Variants in LONP2 observed in about 807,000 individuals in gnomAD.
LONP2 encodes the protein lon protease homolog 2, peroxisomal.
In LONP2, 60 loss-of-function variants were observed where a neutral mutation model predicts 85.6. The ratio of observed to expected loss-of-function variants is 0.70; its 90% CI spans 0.57 to 0.87. The LOEUF (loss-of-function observed/expected upper bound fraction) is 0.87, where lower values mean the gene tolerates loss of function less well. Among genes scored for constraint, LONP2 ranks in the 40% least tolerant of loss-of-function variants. LONP2 has a pLI of 0.00. For synonymous variants in LONP2, 395 were observed against 389.7 expected (o/e 1.01, Z -0.16); for missense variants, 860 against 1,063.5 (o/e 0.81, Z 2.66).
At chr16:48,328,670 C>T (rs372345353) in intron 11 of LONP2, among the ~76,000 whole-genome samples, 297 of 142,642 alleles carry the variant, frequency 2.1e-3, no homozygotes, top group African/African-American at 5.7e-3. Context: ...ACGGGGACTC[C>T]GTCTCAAAAA....
At position 48,354,195 on chromosome 16, in the gene LONP2, G is replaced by GTTTTT. The variant is rs1194793998; in HGVS notation, c.*2393_*2394insTTTTT. 1 of 93,532 alleles carries GTTTTT rather than the reference G, an allele frequency of 1.1e-5. No individual in the cohort carries two copies. Among genetic ancestry groups the GTTTTT allele is most frequent in the Non-Finnish European group, 2.1e-5 (1 of 46,988 alleles). The allele number at this position is 93,532 out of a possible 1,614,324, so 5.8% of individuals were successfully genotyped here. A position where few individuals can be genotyped will look rare whatever the true frequency, so the allele number is the denominator to read the frequency against. On this transcript the variant is annotated 3_prime_UTR_variant, in exon 15 of 15. Coordinates refer to ENST00000285737, the MANE Select transcript of LONP2 (RefSeq NM_031490.5). ...GGATCTAAGCATGTCCACTCTACACGCTTTTTTTTTTTTTTTTTTTTTTTT... is the reference window on the plus strand; with the variant it reads ...GGATCTAAGCATGTCCACTCTACACGTTTTTCTTTTTTTTTTTTTTTTTTTTTTTT...
At chr16:48,296,344 A>C (rs1160301476) in intron 9 of LONP2, among the ~76,000 whole-genome samples, 179 bp downstream of exon 9, 1 of 152,266 alleles carries the variant, frequency 6.6e-6, no homozygotes. Context: ...AGAGCAAAAC[A>C]GCAAACGTTG....
intron 8 of LONP2, among the ~76,000 whole-genome samples, chr16:48,293,481 A>G (rs1264595898): frequency 6.6e-6 from 1 of 152,086 alleles, no homozygotes; most frequent in Non-Finnish European, 1.5e-5. Flanking sequence ...ATTACTCATG[A>G]CGCTTATTAA....
chr16:48,260,164 A>G (rs1264283392), intron 4 of LONP2, among the ~76,000 whole-genome samples: 1 of 152,216 alleles, frequency 6.6e-6, no homozygotes. Context: ...ATAATATTTT[A>G]TCTGCTGATG....
chr16:48,257,624 C>A lies in LONP2; in HGVS notation c.600+883C>A, dbSNP rs373283028. 1.1e-4 allele frequency among the ~76,000 whole-genome samples: 16 copies of A among 152,244 alleles called. No homozygotes were observed. In the East Asian group the frequency reaches 2.3e-3, roughly 22 times the overall value. Reference sequence around the variant, plus strand: ...ACTTATTTTTAAGATATTTTTAAAGCAGTATTTTTAATGAATCATCCTAGA... The same window carrying A: ...ACTTATTTTTAAGATATTTTTAAAGAAGTATTTTTAATGAATCATCCTAGA... On this transcript the variant is annotated intron_variant, in intron 3 of 14. Transcript: ENST00000285737.
intron 6 of LONP2, among the ~76,000 whole-genome samples, chr16:48,264,897 C>T (rs925388284): frequency 1.3e-5 from 2 of 152,090 alleles, no homozygotes; most frequent in African/African-American, 2.4e-5. Context: ...TTCCGAACAA[C>T]AGTGTACAAG....
intron 11 of LONP2, among the ~76,000 whole-genome samples, chr16:48,310,822 A>C (rs1973014957): frequency 2.0e-5 from 3 of 152,034 alleles, no homozygotes; most frequent in Non-Finnish European, 4.4e-5. Context: ...CATGTTTAGA[A>C]CTTCTTTAAA....
chr16:48,341,284 A>C (rs981297012), intron 12 of LONP2, among the ~76,000 whole-genome samples: 3 of 152,116 alleles, frequency 2.0e-5, no homozygotes, highest in Non-Finnish European at 4.4e-5. Context: ...TGGGACACAG[A>C]GTGAGACTCC....
rs74781790 is a variant in LONP2 at position 48,269,522 on chromosome 16, A to G, written c.983-494A>G. 8.6e-3 allele frequency among the ~76,000 whole-genome samples: 1,303 copies of G among 152,334 alleles called. 14 individuals are homozygous for G. The highest frequency in any genetic ancestry group is 0.029 in the African/African-American group (1,203 of 41,562). ...CCCATAAAATCCCATTTTGAAAAAT[A>G]GGTTTGTAAATGCACGCACACAGCC... On this transcript the variant is annotated intron_variant, in intron 6 of 14. Coordinates refer to ENST00000285737, the MANE Select transcript of LONP2 (RefSeq NM_031490.5).
chr16:48,359,082 G>C (rs1960479603), downstream of LONP2, among the ~76,000 whole-genome samples: 1 of 152,064 alleles, frequency 6.6e-6, no homozygotes, highest in African/African-American at 2.4e-5. Context: ...CCGCTTCCTG[G>C]GTTCAAGGGA....
intron 12 of LONP2, among the ~76,000 whole-genome samples, chr16:48,342,999 T>C (rs1410007358): frequency 6.6e-6 from 1 of 152,152 alleles, no homozygotes; most frequent in Admixed American, 6.5e-5. Context: ...GCTGGCAAAC[T>C]CCCACTCATA....
intron 9 of LONP2, among the ~76,000 whole-genome samples, chr16:48,297,228 C>T (rs1442357086): frequency 3.3e-5 from 5 of 152,130 alleles, no homozygotes; most frequent in African/African-American, 1.2e-4. Flanking sequence ...GAACTCCTGG[C>T]CTCAAGTGAT....
chr16:48,283,492 C>T (rs534322193), intron 8 of LONP2, among the ~76,000 whole-genome samples: 4 of 152,232 alleles, frequency 2.6e-5, no homozygotes, highest in Non-Finnish European at 5.9e-5. Context: ...ATTCTGAAAA[C>T]CCTAAGGCCC....
chr16:48,275,866 C>T (rs1972197834), intron 7 of LONP2, among the ~76,000 whole-genome samples: 1 of 152,000 alleles, frequency 6.6e-6, no homozygotes, highest in Non-Finnish European at 1.5e-5. Context: ...ATCTAGGATT[C>T]CAATTTTTTT....
At chr16:48,301,843 G>A (rs1972812628) in intron 10 of LONP2, among the ~76,000 whole-genome samples, 1 of 152,312 alleles carries the variant, frequency 6.6e-6, no homozygotes, top group East Asian at 1.9e-4. Flanking sequence ...ATCAGGTGCT[G>A]CACACTAAGT....
At chr16:48,347,338 A>C (rs1311870246) in intron 12 of LONP2, among the ~76,000 whole-genome samples, 169 bp from the exon 13 acceptor site, 1 of 152,228 alleles carries the variant, frequency 6.6e-6, no homozygotes, top group Non-Finnish European at 1.5e-5. Context: ...TTCTGGCAGA[A>C]AGCCAGAGAG....
At chr16:48,348,343 T>A (rs1960034597) in intron 14 of LONP2, 53 bp downstream of exon 14, 1 of 1,179,438 alleles carries the variant, frequency 8.5e-7, no homozygotes, top group Non-Finnish European at 1.1e-6. Flanking sequence ...TTTTTGAAAA[T>A]TAATATTATT....
At chr16:48,328,630 A>G (rs1490899519) in intron 11 of LONP2, among the ~76,000 whole-genome samples, 1 of 149,532 alleles carries the variant, frequency 6.7e-6, no homozygotes, top group Non-Finnish European at 1.5e-5. Context: ...GTGAGCCGAG[A>G]TCACACCATT....
chr16:48,348,537 C>G (rs926554040), intron 14 of LONP2, among the ~76,000 whole-genome samples: 5 of 145,460 alleles, frequency 3.4e-5, no homozygotes, highest in African/African-American at 1.3e-4. Flanking sequence ...CTCTGTTGCC[C>G]AGGCTGGAGT....
Sources: gnomAD v4.1 joint callset for allele counts (sites outside exome capture counted in the v4.1 genomes callset) on GRCh38, gnomAD v4.1.1 for gene constraint, MANE v1.5 for transcripts, NCBI Gene and HGNC (gene_info 2026-07-23, HGNC 2026-07-21) for gene names.